ADARB2: variants seen among roughly 807,000 people sequenced by gnomAD.
ADARB2 encodes the protein adenosine deaminase RNA specific B2 (inactive), also known as inactive double-stranded RNA-specific editase B2.
In ADARB2, 25 loss-of-function variants were observed where a neutral mutation model predicts 62.2. That is an observed-to-expected ratio of 0.40 (90% confidence interval 0.29 to 0.56). ADARB2 has a LOEUF of 0.56. Among genes scored for constraint, ADARB2 ranks in the 20% least tolerant of loss-of-function variants. The pLI is 0.43. For missense variants in ADARB2, 1,071 were observed against 1,077.4 expected (o/e 0.99, Z 0.08); for synonymous variants, 572 against 500.8 (o/e 1.14, Z -1.90).
chr10:1,630,283 G>A (rs796914775), intron 1 of ADARB2, among the ~76,000 whole-genome samples: 9 of 152,308 alleles, frequency 5.9e-5, no homozygotes, highest in African/African-American at 2.2e-4. Context: ...GAGGATGGGA[G>A]AAGATGACAC....
chr10:1,470,149 C>T lies in ADARB2; in HGVS notation c.101-90989G>A, dbSNP rs200943717. On this transcript the variant is annotated intron_variant, in intron 1 of 9. Coordinates refer to ENST00000381312, the MANE Select transcript of ADARB2 (RefSeq NM_018702.4). ...CAGCTGCGTCCATCCCGTCTCACAC[C>T]TTCCTAGCCATGGTCCTGGGCAAAT... 2.3e-4 allele frequency among the ~76,000 whole-genome samples: 35 copies of T among 152,356 alleles called. 1 individual carries two copies. The East Asian group carries it at 6.4e-3, about 28-fold the overall frequency.
Position 1,554,651 on chromosome 10 carries a change from C to T in ADARB2, c.101-175491G>A, listed in dbSNP as rs554483554. On this transcript the variant is annotated intron_variant, in intron 1 of 9. Transcript: ENST00000381312. ...ATTGTGGGCATCAGTAGGTCCTTTCCGATTTCAAGCAACATGTGTGTCCTG... is the reference window on the plus strand; with the variant it reads ...ATTGTGGGCATCAGTAGGTCCTTTCTGATTTCAAGCAACATGTGTGTCCTG... 3.1e-4 allele frequency among the ~76,000 whole-genome samples: 47 copies of T among 152,302 alleles called. No homozygotes were observed. The South Asian group carries it at 6.6e-3, about 22-fold the overall frequency.
At chr10:1,441,525 C>G (rs1564289965) in intron 1 of ADARB2, among the ~76,000 whole-genome samples, 1 of 152,134 alleles carries the variant, frequency 6.6e-6, no homozygotes, top group African/African-American at 2.4e-5. Flanking sequence ...TTTTCCAAGT[C>G]CTTTAGACAT....
chr10:1,573,794 C>T (rs1832972060), intron 1 of ADARB2, among the ~76,000 whole-genome samples: 1 of 152,198 alleles, frequency 6.6e-6, no homozygotes, highest in South Asian at 2.1e-4. Context: ...GCACCCTGGG[C>T]TGCAAGCTCA....
intron 1 of ADARB2, among the ~76,000 whole-genome samples, chr10:1,593,415 G>A (rs1213705891): frequency 1.3e-5 from 2 of 152,246 alleles, no homozygotes; most frequent in African/African-American, 4.8e-5. Flanking sequence ...TGCTCCATAG[G>A]TCGCCTCTCT....
At position 1,278,135 on chromosome 10, in the gene ADARB2, A is replaced by G. The variant is rs182575061; in HGVS notation, c.1078-7066T>C. The stretch of plus-strand genomic sequence containing the variant: ...CAGGCGCGCGCCACTATGCCTGGCT[A>G]ATTTTAGTTTATTTTGTACTTTTTA... On this transcript the variant is annotated intron_variant, in intron 3 of 9. Transcript: ENST00000381312. Among the ~76,000 whole-genome samples, 221 of 151,944 alleles carry G rather than the reference A, an allele frequency of 1.5e-3. 1 individual carries two copies. Among genetic ancestry groups the G allele is most frequent in the Non-Finnish European group, 2.5e-3 (172 of 67,938 alleles).
At chr10:1,462,215 G>A (rs915223716) in intron 1 of ADARB2, among the ~76,000 whole-genome samples, 1 of 149,798 alleles carries the variant, frequency 6.7e-6, no homozygotes, top group South Asian at 2.1e-4. Context: ...AGCCTGCCTC[G>A]GCCACAGCTC....
At chr10:1,356,718 G>T (rs898898978) in intron 3 of ADARB2, among the ~76,000 whole-genome samples, 1 of 152,168 alleles carries the variant, frequency 6.6e-6, no homozygotes, top group African/African-American at 2.4e-5. Context: ...GGCACACACT[G>T]TTCTTCAATC....
chr10:1,499,777 TACTC>T (rs1831741675), intron 1 of ADARB2, among the ~76,000 whole-genome samples: 1 of 152,042 alleles, frequency 6.6e-6, no homozygotes. Flanking sequence ...ACTCACTCAT[TACTC>T]ACTCATCATC....
rs560327111 is a variant in ADARB2, at chr10:1,481,727, G to C, written c.101-102567C>G. ...CAAAAATTAGCTGGGTATGGGGGCG[G>C]GTGCCTGTAATCCCAGCTACTCAGG... On this transcript the variant is annotated intron_variant, in intron 1 of 9. Coordinates refer to ENST00000381312, the MANE Select transcript of ADARB2 (RefSeq NM_018702.4). Among the ~76,000 whole-genome samples the C allele has an allele frequency of 7.9e-5, 12 of 151,944 alleles. 1 individual carries two copies. The South Asian group carries it at 1.5e-3, about 18-fold the overall frequency.
At chr10:1,545,316 T>A (rs895818199) in intron 1 of ADARB2, among the ~76,000 whole-genome samples, 5 of 152,256 alleles carry the variant, frequency 3.3e-5, no homozygotes, top group Non-Finnish European at 1.5e-5. Context: ...TTCTTCCATT[T>A]TCTATCTTTC....
Position 1,580,503 on chromosome 10 carries a change from C to T in ADARB2, c.100+156548G>A, listed in dbSNP as rs1232775540. Among the ~76,000 whole-genome samples, 6 of 144,796 alleles carry T rather than the reference C, an allele frequency of 4.1e-5. 1 individual carries two copies. The East Asian group carries it at 1.2e-3, about 29-fold the overall frequency. 95.0% of individuals were successfully genotyped at this position (144,796 alleles called of 152,430 possible). On this transcript the variant is annotated intron_variant, in intron 1 of 9. Transcript: ENST00000381312. ...TGAGATGAGAAAATTTGTCTTAAGG[C>T]TTTTTTTTTTTTAGAGATTTCATTT... is the stretch of plus-strand genomic sequence containing the variant.
chr10:1,485,912 T>C (rs1831535340), intron 1 of ADARB2, among the ~76,000 whole-genome samples: 2 of 152,226 alleles, frequency 1.3e-5, no homozygotes. Context: ...AAATAAAATA[T>C]ATGACTCTCC....
chr10:1,554,907 C>T (rs1040445301), intron 1 of ADARB2, among the ~76,000 whole-genome samples: 5 of 152,264 alleles, frequency 3.3e-5, no homozygotes, highest in African/African-American at 1.2e-4. Context: ...TCCCAGGGTC[C>T]ATTGCTCCCA....
At chr10:1,486,084 C>T (rs768275773) in intron 1 of ADARB2, among the ~76,000 whole-genome samples, 69 of 152,098 alleles carry the variant, frequency 4.5e-4, no homozygotes, top group Non-Finnish European at 6.2e-4. Flanking sequence ...CCTAGAGGTG[C>T]CACATCGGCT....
intron 1 of ADARB2, among the ~76,000 whole-genome samples, chr10:1,389,832 T>C (rs1832555151): frequency 3.3e-5 from 5 of 152,066 alleles, no homozygotes; most frequent in Admixed American, 3.3e-4. Flanking sequence ...TACATGTCAG[T>C]AACCATGTGG....
chr10:1,243,732 G>A (rs1255236722), intron 4 of ADARB2, among the ~76,000 whole-genome samples: 3 of 152,212 alleles, frequency 2.0e-5, no homozygotes, highest in Non-Finnish European at 1.5e-5. Flanking sequence ...CTGCAGCTGG[G>A]GTCTGTCTGT....
intron 4 of ADARB2, among the ~76,000 whole-genome samples, chr10:1,244,933 G>A (rs543579409): frequency 6.6e-6 from 1 of 152,338 alleles, no homozygotes; most frequent in African/African-American, 2.4e-5. Context: ...GGAAAGTGGC[G>A]AAGCTTCAAA....
chr10:1,663,311 T>C (rs1834272239), intron 1 of ADARB2, among the ~76,000 whole-genome samples: 1 of 152,154 alleles, frequency 6.6e-6, no homozygotes, highest in Admixed American at 6.5e-5. Flanking sequence ...TGGCTCTATT[T>C]ACATCTGGGT....
Sources: gnomAD v4.1 joint callset for allele counts (sites outside exome capture counted in the v4.1 genomes callset) on GRCh38, gnomAD v4.1.1 for gene constraint, MANE v1.5 for transcripts, NCBI Gene and HGNC (gene_info 2026-07-23, HGNC 2026-07-21) for gene names.